The following GOLPH3L variants were observed in gnomAD, a reference collection of about 807,000 sequenced individuals.
GOLPH3L encodes Golgi phosphoprotein 3-like.
In GOLPH3L, 22 loss-of-function variants were observed where a neutral mutation model predicts 30.3. The ratio of observed to expected loss-of-function variants is 0.73; its 90% CI spans 0.52 to 1.04. GOLPH3L has a LOEUF of 1.04. GOLPH3L is among the 50% of genes least tolerant of loss of function. The probability of loss-of-function intolerance (pLI) is 0.00; values close to 1 mark genes in which losing one functional copy is unlikely to be tolerated. For synonymous variants in GOLPH3L, 120 were observed against 128.2 expected (o/e 0.94, Z 0.43); for missense variants, 303 against 345.8 (o/e 0.88, Z 0.98).
intron 2 of GOLPH3L, among the ~76,000 whole-genome samples, chr1:150,666,328 GCT>G (rs1207899499): frequency 7.1e-6 from 1 of 141,204 alleles, no homozygotes; most frequent in African/African-American, 2.6e-5. Context: ...TCTCTGTATT[GCT>G]TTCTGGAGAG....
At chr1:150,665,960 T>C (rs1216066370) in intron 2 of GOLPH3L, among the ~76,000 whole-genome samples, 1 of 152,204 alleles carries the variant, frequency 6.6e-6, no homozygotes, top group Admixed American at 6.5e-5. Context: ...TTCCAGGTTA[T>C]CACATTGAAG....
intron 2 of GOLPH3L, among the ~76,000 whole-genome samples, chr1:150,664,274 G>C (rs587754443): frequency 3.3e-5 from 5 of 152,162 alleles, no homozygotes; most frequent in South Asian, 4.1e-4. Flanking sequence ...AAAGTGTTGG[G>C]ATTACAGACA....
intron 1 of GOLPH3L, among the ~76,000 whole-genome samples, chr1:150,696,000 T>C (rs1001746030): frequency 6.6e-6 from 1 of 152,230 alleles, no homozygotes; most frequent in African/African-American, 2.4e-5. Flanking sequence ...GTTAGCATAC[T>C]TTATTTTATA....
intron 4 of GOLPH3L, among the ~76,000 whole-genome samples, chr1:150,650,753 T>C (rs1441697799): frequency 6.6e-6 from 1 of 152,090 alleles, no homozygotes; most frequent in Non-Finnish European, 1.5e-5. Flanking sequence ...GCCAGAAAAG[T>C]TGGGGACAGC....
intron 2 of GOLPH3L, among the ~76,000 whole-genome samples, chr1:150,682,498 C>G (rs1650977949): frequency 1.3e-5 from 2 of 151,394 alleles, no homozygotes; most frequent in South Asian, 4.2e-4. Flanking sequence ...GCGTGGTGGC[C>G]TGCACCTGTA....
chr1:150,693,325 C>T (rs911706067), intron 2 of GOLPH3L, among the ~76,000 whole-genome samples: 1 of 152,144 alleles, frequency 6.6e-6, no homozygotes, highest in African/African-American at 2.4e-5. Flanking sequence ...AAAAGAAGAG[C>T]TGTTACTACT....
rs1557778270 is a variant in GOLPH3L at position 150,648,507 on chromosome 1, T to C, written c.672A>G (p.Ala224=). The change falls in exon 5 of 5, where the codon GCA becomes GCG. Residue 224 remains alanine, a synonymous_variant. Transcript: ENST00000271732. The part of the protein sequence containing the change: ...DPQRMDKRTL[A]LLVLAHSSDV... ...CAGAGGAGTGGGCTAGCACCAGGAG[T>C]GCTAGTGTTCGCTTGTCCATACGCT... 2 of 1,613,846 alleles carry C rather than the reference T, an allele frequency of 1.2e-6. No homozygotes were observed. Among genetic ancestry groups the C allele is most frequent in the East Asian group, 4.5e-5 (2 of 44,868 alleles).
chr1:150,646,615 A>C lies in GOLPH3L; in HGVS notation c.*1706T>G, dbSNP rs1346340263. On this transcript the variant is annotated 3_prime_UTR_variant, in exon 5 of 5. Transcript: ENST00000271732. ...TTGCCTAAGAGATACCTAAAGTGAAAAACAAAAAAATGTTAACTGAGCTGG... is the reference window on the plus strand; with the variant it reads ...TTGCCTAAGAGATACCTAAAGTGAACAACAAAAAAATGTTAACTGAGCTGG... The C allele has an allele frequency of 6.6e-6, 1 of 152,212 alleles. No homozygotes were observed. Among genetic ancestry groups the C allele is most frequent in the Non-Finnish European group, 1.5e-5 (1 of 68,038 alleles). 9.4% of individuals were successfully genotyped at this position (152,212 alleles called of 1,614,324 possible). A position where few individuals can be genotyped will look rare whatever the true frequency, so the allele number is the denominator to read the frequency against.
At chr1:150,667,080 C>T (rs1445726842) in intron 2 of GOLPH3L, among the ~76,000 whole-genome samples, 1 of 152,174 alleles carries the variant, frequency 6.6e-6, no homozygotes. Context: ...CACATTTAAG[C>T]CTAGTTTCCC....
chr1:150,653,725 G>A (rs1650178624), intron 4 of GOLPH3L, among the ~76,000 whole-genome samples: 1 of 151,302 alleles, frequency 6.6e-6, no homozygotes, highest in Admixed American at 6.6e-5. Flanking sequence ...CAAAGTACTG[G>A]GATTACAGGT....
At chr1:150,686,425 G>T (rs587713803) in intron 2 of GOLPH3L, among the ~76,000 whole-genome samples, 1 of 151,942 alleles carries the variant, frequency 6.6e-6, no homozygotes, top group African/African-American at 2.4e-5. Flanking sequence ...GGCTTGTCTT[G>T]AACTCCTGGC....
chr1:150,658,080 C>A (rs926807734), intron 4 of GOLPH3L, among the ~76,000 whole-genome samples: 1 of 152,214 alleles, frequency 6.6e-6, no homozygotes. Flanking sequence ...ACCATCAAGA[C>A]ATCTGAAACC....
Position 150,648,345 on chromosome 1 carries a change from C to T in GOLPH3L, c.834G>A (p.Val278=). 6.2e-7 allele frequency: 1 copy of T among 1,609,684 alleles called. No homozygotes were observed. The highest frequency in any genetic ancestry group is 8.5e-7 in the Non-Finnish European group (1 of 1,177,178). ...TTTAAGATTTATTGAAGGCTGCCAG[C>T]ACAGCCCAGATCATTTCTGTGGCAC... ...KPSATEMIWA[V]LAAFNKS The change falls in exon 5 of 5, where the codon GTG becomes GTA. Residue 278 remains valine, a synonymous_variant. Coordinates refer to ENST00000271732, the MANE Select transcript of GOLPH3L (RefSeq NM_018178.6).
chr1:150,676,634 A>AT (rs1225677880), intron 2 of GOLPH3L, among the ~76,000 whole-genome samples: 6,569 of 120,944 alleles, frequency 0.054, 401 homozygotes, highest in African/African-American at 0.14. Flanking sequence ...CATACATTCT[A>AT]TTTTTTTTTT....
intron 2 of GOLPH3L, among the ~76,000 whole-genome samples, chr1:150,687,571 G>A (rs1651114245): frequency 1.3e-5 from 2 of 149,550 alleles, no homozygotes; most frequent in African/African-American, 4.9e-5. Flanking sequence ...GCGAAACTCT[G>A]TCTCAAAAAA....
At chr1:150,671,581 C>A (rs587613700) in intron 2 of GOLPH3L, among the ~76,000 whole-genome samples, 7 of 151,678 alleles carry the variant, frequency 4.6e-5, no homozygotes, top group African/African-American at 1.5e-4. Flanking sequence ...CCAAGGCGGG[C>A]GGATCACCTA....
intron 2 of GOLPH3L, among the ~76,000 whole-genome samples, chr1:150,683,034 A>G (rs1650992871): frequency 1.3e-5 from 2 of 152,098 alleles, no homozygotes; most frequent in Admixed American, 1.3e-4. Flanking sequence ...TCAAATCCCT[A>G]TGCTTCTGTA....
chr1:150,650,390 T>C (rs587642025), intron 4 of GOLPH3L, among the ~76,000 whole-genome samples: 2 of 152,182 alleles, frequency 1.3e-5, no homozygotes, highest in East Asian at 3.9e-4. Flanking sequence ...AGGAAACAAA[T>C]TACCAAGCAA....
At position 150,648,248 on chromosome 1, in the gene GOLPH3L, A is replaced by G. The variant is rs1650026740; in HGVS notation, c.*73T>C. The G allele has an allele frequency of 1.9e-6, 2 of 1,076,014 alleles. No individual in the cohort carries two copies. The highest frequency in any genetic ancestry group is 1.6e-5 in the African/African-American group (1 of 63,242). The allele number at this position is 1,076,014 out of a possible 1,614,324, so 66.7% of individuals were successfully genotyped here. On this transcript the variant is annotated 3_prime_UTR_variant, in exon 5 of 5. Coordinates refer to ENST00000271732, the MANE Select transcript of GOLPH3L (RefSeq NM_018178.6). ...ACAAAAATGATGAAAACATCTCATC[A>G]CACAAAACTCAGTGATGGGGTCTCT...
Sources: gnomAD v4.1 joint callset for allele counts (sites outside exome capture counted in the v4.1 genomes callset) on GRCh38, gnomAD v4.1.1 for gene constraint, MANE v1.5 for transcripts, NCBI Gene and HGNC (gene_info 2026-07-23, HGNC 2026-07-21) for gene names.